Variants in CTNND2 observed in about 807,000 individuals in gnomAD.
The protein encoded by CTNND2 is catenin delta-2.
A neutral mutation model predicts 144.4 loss-of-function variants in CTNND2; 22 were observed. The ratio of observed to expected loss-of-function variants is 0.15; its 90% confidence interval spans 0.11 to 0.22. The LOEUF (loss-of-function observed/expected upper bound fraction) is 0.22, where lower values mean the gene tolerates loss of function less well. CTNND2 is among the 10% of genes least tolerant of loss of function. The pLI, the probability that CTNND2 is intolerant of heterozygous loss-of-function variation, is 1.00. For synonymous variants in CTNND2, 751 were observed against 695.6 expected (o/e 1.08, Z -1.25); for missense variants, 1,353 against 1,618.8 (o/e 0.84, Z 2.82).
At chr5:11,628,833 G>C (rs991121502) in intron 2 of CTNND2, among the ~76,000 whole-genome samples, 2 of 152,064 alleles carry the variant, frequency 1.3e-5, no homozygotes, top group African/African-American at 4.8e-5. Flanking sequence ...AAAACACAAT[G>C]GCCATCTTGG....
intron 3 of CTNND2, among the ~76,000 whole-genome samples, chr5:11,414,064 A>T (rs1328292821): frequency 2.6e-5 from 4 of 152,164 alleles, no homozygotes; most frequent in Admixed American, 2.0e-4. Flanking sequence ...CCAATTACAC[A>T]TGTGCTTATA....
intron 7 of CTNND2, among the ~76,000 whole-genome samples, chr5:11,381,677 A>C (rs1222271970): frequency 6.6e-6 from 1 of 152,162 alleles, no homozygotes; most frequent in East Asian, 1.9e-4. Context: ...TAAAAAACAA[A>C]ATATTGGGGA....
chr5:11,031,334 T>C (rs2149551662), intron 16 of CTNND2, among the ~76,000 whole-genome samples: 1 of 152,254 alleles, frequency 6.6e-6, no homozygotes, highest in South Asian at 2.1e-4. Flanking sequence ...TCAACCCTGG[T>C]TTCTGCCAGC....
chr5:11,159,103 G>A (rs1370278351), intron 12 of CTNND2, among the ~76,000 whole-genome samples: 3 of 152,088 alleles, frequency 2.0e-5, no homozygotes, highest in African/African-American at 7.2e-5. Flanking sequence ...CTATTTCTAA[G>A]AATTATAGAA....
chr5:11,765,828 A>G (rs1222108228), intron 1 of CTNND2, among the ~76,000 whole-genome samples: 2 of 152,226 alleles, frequency 1.3e-5, no homozygotes. Context: ...TTTGTTAATA[A>G]TAATGTATTA....
chr5:11,162,495 T>C (rs1384807058), intron 11 of CTNND2, among the ~76,000 whole-genome samples: 1 of 152,206 alleles, frequency 6.6e-6, no homozygotes, highest in East Asian at 1.9e-4. Context: ...CATTCCACCC[T>C]TCCAGGCTGT....
intron 9 of CTNND2, among the ~76,000 whole-genome samples, chr5:11,272,874 G>T (rs868755068): frequency 1.2e-4 from 19 of 152,134 alleles, no homozygotes; most frequent in Admixed American, 4.6e-4. Flanking sequence ...TCAAAATCTG[G>T]CCCATGGGAC....
intron 2 of CTNND2, among the ~76,000 whole-genome samples, chr5:11,683,575 A>G (rs983934648): frequency 1.3e-5 from 2 of 152,230 alleles, no homozygotes; most frequent in Non-Finnish European, 2.9e-5. Context: ...TTGCACTTAC[A>G]TGGTACTTTG....
intron 16 of CTNND2, among the ~76,000 whole-genome samples, chr5:11,023,603 T>A (rs993930326): frequency 2.6e-4 from 40 of 152,186 alleles, no homozygotes; most frequent in Non-Finnish European, 5.7e-4. Flanking sequence ...TAACTATGTG[T>A]CCTCTGAACT....
At chr5:11,180,269 C>T (rs1443074272) in intron 11 of CTNND2, among the ~76,000 whole-genome samples, 3 of 152,136 alleles carry the variant, frequency 2.0e-5, no homozygotes, top group Non-Finnish European at 4.4e-5. Flanking sequence ...TGGCCTTCCG[C>T]TACGATTGTA....
intron 1 of CTNND2, among the ~76,000 whole-genome samples, chr5:11,732,927 A>G (rs61763019): frequency 0.012 from 1,885 of 152,028 alleles, 39 homozygotes; most frequent in African/African-American, 0.044. Context: ...AAAAATGCTG[A>G]TGTCAAGAAG....
chr5:11,522,008 A>C (rs1295513724), intron 3 of CTNND2, among the ~76,000 whole-genome samples: 3 of 152,218 alleles, frequency 2.0e-5, no homozygotes, highest in African/African-American at 7.2e-5. Context: ...CTCACAGAGC[A>C]AACTTAAAGC....
intron 3 of CTNND2, among the ~76,000 whole-genome samples, chr5:11,545,694 TAAAG>T (rs1460920568): frequency 1.5e-3 from 158 of 103,150 alleles, no homozygotes; most frequent in African/African-American, 5.6e-3. Context: ...AGGAAGAACA[TAAAG>T]AAAAAGAAAA....
intron 2 of CTNND2, among the ~76,000 whole-genome samples, chr5:11,660,030 T>G (rs983352827): frequency 1.1e-4 from 17 of 152,158 alleles, no homozygotes; most frequent in African/African-American, 3.4e-4. Flanking sequence ...TTGAACTTCT[T>G]TAGCTGTCAA....
chr5:11,719,396 C>T (rs1786533506), intron 2 of CTNND2, among the ~76,000 whole-genome samples: 1 of 152,130 alleles, frequency 6.6e-6, no homozygotes, highest in Non-Finnish European at 1.5e-5. Context: ...CCCTAATTAA[C>T]AAAGATAATC....
chr5:11,592,958 C>A (rs1779326950), intron 2 of CTNND2, among the ~76,000 whole-genome samples: 1 of 151,660 alleles, frequency 6.6e-6, no homozygotes, highest in East Asian at 1.9e-4. Flanking sequence ...TGAAGCCACA[C>A]ATACACCTGA....
intron 1 of CTNND2, among the ~76,000 whole-genome samples, chr5:11,791,478 T>C (rs1283144102): frequency 6.6e-6 from 1 of 152,174 alleles, no homozygotes. Flanking sequence ...GCCGAAAGGG[T>C]CAGAGAATAA....
At chr5:10,979,375 T>G (rs897218921) in intron 21 of CTNND2, among the ~76,000 whole-genome samples, 22 of 152,238 alleles carry the variant, frequency 1.4e-4, no homozygotes, top group Non-Finnish European at 1.5e-5. Context: ...TTGGCTTCTT[T>G]GCTTTTAGCA....
intron 9 of CTNND2, among the ~76,000 whole-genome samples, chr5:11,307,236 A>C (rs1750334040): frequency 6.6e-6 from 1 of 152,028 alleles, no homozygotes; most frequent in South Asian, 2.1e-4. Flanking sequence ...CTGCTCCTGA[A>C]TCAGTGATCA....
Sources: allele counts gnomAD v4.1 joint callset (sites outside exome capture counted in the v4.1 genomes callset), GRCh38; gene constraint gnomAD v4.1.1; transcripts MANE v1.5; gene names NCBI Gene and HGNC (gene_info 2026-07-23, HGNC 2026-07-21).